The following EML4 variants were observed in gnomAD, a reference collection of about 807,000 sequenced individuals.
EML4 encodes EMAP like 4.
Under a neutral mutation model 129.0 loss-of-function variants are expected in EML4, and 72 were observed. The observed-to-expected ratio is 0.56, with a 90% CI of 0.46 to 0.68. The LOEUF (loss-of-function observed/expected upper bound fraction) is 0.68. Among genes scored for constraint, EML4 ranks in the 30% least tolerant of loss-of-function variants. The probability of loss-of-function intolerance (pLI) is 0.00; values close to 1 mark genes in which losing one functional copy is unlikely to be tolerated. For missense variants in EML4, 1,363 were observed against 1,190.6 expected (o/e 1.14, Z -2.13); for synonymous variants, 532 against 405.0 (o/e 1.31, Z -3.77).
chr2:42,202,552 A>G (rs1898843), intron 1 of EML4, among the ~76,000 whole-genome samples: 2 of 152,312 alleles, frequency 1.3e-5, no homozygotes, highest in Non-Finnish European at 2.9e-5. Flanking sequence ...CTGAGGAGCA[A>G]GGAAGCCAGT....
chr2:42,279,352 T>C (rs1476804736), intron 6 of EML4, among the ~76,000 whole-genome samples: 2 of 152,186 alleles, frequency 1.3e-5, no homozygotes, highest in Non-Finnish European at 2.9e-5. Flanking sequence ...TGTTTTTAAC[T>C]TTTTGAGGAA....
chr2:42,204,076 C>A (rs188428349), intron 1 of EML4, among the ~76,000 whole-genome samples: 23 of 152,122 alleles, frequency 1.5e-4, no homozygotes, highest in African/African-American at 5.3e-4. Flanking sequence ...TATGCCACTA[C>A]CCCGGGCTAA....
At chr2:42,261,017 G>T in intron 3 of EML4, 104 bp from the exon 4 acceptor site, 7 of 844,156 alleles carry the variant, frequency 8.3e-6, no homozygotes, top group Non-Finnish European at 1.3e-5. Flanking sequence ...TGTATTAGCT[G>T]TATGACTTAG....
At chr2:42,291,606 A>T (rs544143677) in intron 11 of EML4, among the ~76,000 whole-genome samples, 1 of 151,854 alleles carries the variant, frequency 6.6e-6, no homozygotes, top group African/African-American at 2.4e-5. Context: ...GAGTTTCACC[A>T]TGTTGGCCAG....
intron 3 of EML4, among the ~76,000 whole-genome samples, chr2:42,259,665 C>G (rs893498351): frequency 6.7e-6 from 1 of 150,322 alleles, no homozygotes; most frequent in African/African-American, 2.5e-5. Flanking sequence ...ATTTAAAACT[C>G]TGGCAGAAGA....
At chr2:42,241,998 G>A (rs1279258315) in intron 1 of EML4, among the ~76,000 whole-genome samples, 1 of 152,056 alleles carries the variant, frequency 6.6e-6, no homozygotes, top group African/African-American at 2.4e-5. Context: ...ATCAGGGTTT[G>A]GTAGGAATTT....
At chr2:42,208,310 T>A (rs984869073) in intron 1 of EML4, among the ~76,000 whole-genome samples, 3 of 152,114 alleles carry the variant, frequency 2.0e-5, no homozygotes, top group Non-Finnish European at 4.4e-5. Context: ...CCAGATTTTT[T>A]TAAAGTTCTG....
At chr2:42,293,121 C>G (rs765971321) in intron 11 of EML4, among the ~76,000 whole-genome samples, 8 of 146,850 alleles carry the variant, frequency 5.4e-5, no homozygotes, top group Non-Finnish European at 7.5e-5. Flanking sequence ...TTTTTTTTTT[C>G]TTTTTTTGGT....
chr2:42,233,860 A>G (rs1387118003), intron 1 of EML4, among the ~76,000 whole-genome samples: 1 of 152,222 alleles, frequency 6.6e-6, no homozygotes, highest in Non-Finnish European at 1.5e-5. Context: ...ATGACTTGCT[A>G]CTTTGTATAC....
In EML4 at chr2:42,308,843, G is replaced by A. The variant is rs74910980; in HGVS notation, c.1967+4292G>A. Among the ~76,000 whole-genome samples the A allele has an allele frequency of 2.8e-3, 433 of 152,132 alleles. 10 individuals are homozygous for A. In the East Asian group the frequency reaches 0.069, roughly 24 times the overall value. ...CTATAAATGGAATGAATCATATAAC[G>A]TGAAGTTTTGTGATGAGCTTCTTTC... On this transcript the variant is annotated intron_variant, in intron 17 of 22. Coordinates refer to ENST00000318522, the MANE Select transcript of EML4 (RefSeq NM_019063.5).
At chr2:42,205,183 A>C (rs17624829) in intron 1 of EML4, among the ~76,000 whole-genome samples, 23,808 of 152,170 alleles carry the variant, frequency 0.16, 1,982 homozygotes, top group Middle Eastern at 0.24. Context: ...TGCCTCTTAG[A>C]TTACAATTTG....
intron 1 of EML4, among the ~76,000 whole-genome samples, chr2:42,207,518 A>G (rs948965505): frequency 1.3e-5 from 2 of 152,182 alleles, no homozygotes; most frequent in African/African-American, 4.8e-5. Context: ...GCTCTACCTG[A>G]ACCACTTTTT....
At chr2:42,264,639 G>C (rs2104397456) in intron 5 of EML4, 67 bp from the exon 6 acceptor site, 1 of 875,440 alleles carries the variant, frequency 1.1e-6, no homozygotes, top group Non-Finnish European at 1.8e-6. Flanking sequence ...ACAGTTTCTT[G>C]AGGTGATTTT....
intron 1 of EML4, among the ~76,000 whole-genome samples, chr2:42,209,100 TGTAAA>T (rs1040414136): frequency 6.6e-6 from 1 of 152,158 alleles, no homozygotes; most frequent in Non-Finnish European, 1.5e-5. Context: ...ATAATCTAAT[TGTAAA>T]GGAATGAGAA....
chr2:42,176,059 C>G (rs1036469794), intron 1 of EML4, among the ~76,000 whole-genome samples: 1 of 150,958 alleles, frequency 6.6e-6, no homozygotes, highest in Non-Finnish European at 1.5e-5. Flanking sequence ...CTTTTCTCTA[C>G]TCCAATACTG....
At chr2:42,212,443 C>CA (rs1377145186) in intron 1 of EML4, among the ~76,000 whole-genome samples, 5 of 151,710 alleles carry the variant, frequency 3.3e-5, no homozygotes, top group Non-Finnish European at 7.4e-5. Flanking sequence ...AAGAAAAGGA[C>CA]AGGAAATACA....
chr2:42,280,684 C>T (rs971254343), intron 6 of EML4, among the ~76,000 whole-genome samples, 166 bp from the exon 7 acceptor site: 19 of 152,190 alleles, frequency 1.2e-4, no homozygotes, highest in East Asian at 3.9e-4. Flanking sequence ...AATCAGTCCC[C>T]CGTGGATACA....
At chr2:42,293,820 A>T (rs1667793634) in intron 11 of EML4, among the ~76,000 whole-genome samples, 1 of 152,184 alleles carries the variant, frequency 6.6e-6, no homozygotes, top group African/African-American at 2.4e-5. Flanking sequence ...CATCTTGGCC[A>T]GGCTGATCTT....
At chr2:42,319,626 A>C (rs1452083249) in intron 19 of EML4, 1 of 152,186 alleles carries the variant, frequency 6.6e-6, no homozygotes, top group Non-Finnish European at 1.5e-5. Context: ...GACAGGCAAA[A>C]CTGGGTCAAC....
Sources: allele counts gnomAD v4.1 joint callset (sites outside exome capture counted in the v4.1 genomes callset), GRCh38; gene constraint gnomAD v4.1.1; transcripts MANE v1.5; gene names NCBI Gene and HGNC (gene_info 2026-07-23, HGNC 2026-07-21).